PPP2R1B: variants seen among roughly 807,000 people sequenced by gnomAD.
The protein encoded by PPP2R1B is protein phosphatase 2 scaffold subunit Abeta.
Under a neutral mutation model 72.7 loss-of-function variants are expected in PPP2R1B, and 58 were observed. The observed-to-expected ratio is 0.80, with a 90% confidence interval of 0.65 to 0.99. The LOEUF (loss-of-function observed/expected upper bound fraction) is 0.99, where lower values mean the gene tolerates loss of function less well. Among genes scored for constraint, PPP2R1B ranks in the 50% least tolerant of loss-of-function variants. The pLI, the probability that PPP2R1B is intolerant of heterozygous loss-of-function variation, is 0.00. For missense variants in PPP2R1B, 695 were observed against 733.6 expected (o/e 0.95, Z 0.61); for synonymous variants, 256 against 264.6 (o/e 0.97, Z 0.32).
the PPP2R1B span, among the ~76,000 whole-genome samples, chr11:111,707,797 A>G: frequency 6.6e-6 from 1 of 152,232 alleles, no homozygotes; most frequent in Non-Finnish European, 1.5e-5. Flanking sequence ...TGATCCAGTC[A>G]ATACAAAGAT....
the PPP2R1B span, among the ~76,000 whole-genome samples, chr11:111,706,660 A>G: frequency 1.3e-5 from 2 of 152,166 alleles, no homozygotes; most frequent in Non-Finnish European, 2.9e-5. Flanking sequence ...TACGTACTTT[A>G]TATATAAAAT....
Position 111,727,030 on chromosome 11 carries a change from T to TTTA in PPP2R1B, c.1938_1939insTAA (p.Asp646_Thr647insTer). 6.2e-7 allele frequency: 1 copy of TTTA among 1,614,162 alleles called. No individual in the cohort carries two copies. The highest frequency in any genetic ancestry group is 8.5e-7 in the Non-Finnish European group (1 of 1,180,012). On this transcript the variant is annotated stop_gained and inframe_insertion, in exon 16 of 16. Transcript: ENST00000311129. LOFTEE classifies it high-confidence loss of function. The stretch of plus-strand genomic sequence containing the variant: ...CCCAGCTGGGCAAGTGTGTCTCTAG[T>TTTA]ATCTCCACGCAACTGATACACTGGT...
chr11:111,735,109 T>A (rs1303631686), downstream of PPP2R1B, among the ~76,000 whole-genome samples: 1 of 151,896 alleles, frequency 6.6e-6, no homozygotes, highest in Non-Finnish European at 1.5e-5. Context: ...AGAAGGGGCA[T>A]GGAAGGCAGA....
chr11:111,719,787 C>A, the PPP2R1B span: 1 of 1,613,336 alleles, frequency 6.2e-7, no homozygotes, highest in East Asian at 2.2e-5. Context: ...CAATGGCTGT[C>A]TGCTTGACCC....
intron 7 of PPP2R1B, 125 bp from the exon 8 acceptor site, chr11:111,754,694 A>G (rs1387641256): frequency 7.0e-7 from 1 of 1,432,872 alleles, no homozygotes; most frequent in Non-Finnish European, 9.2e-7. Flanking sequence ...TAAGGAAAAC[A>G]GCTCTTGTTC....
chr11:111,727,110 AT>A lies in PPP2R1B; in HGVS notation c.1912-54del. 3 of 1,505,776 alleles carry A rather than the reference AT, an allele frequency of 2.0e-6. No homozygotes were observed. The East Asian group carries it at 6.8e-5, about 34-fold the overall frequency. 93.3% of individuals were successfully genotyped at this position (1,505,776 alleles called of 1,614,324 possible). A position where few individuals can be genotyped will look rare whatever the true frequency, so the allele number is the denominator to read the frequency against. On this transcript the variant is annotated intron_variant, in intron 15 of 15. Coordinates refer to the PPP2R1B transcript ENST00000311129. ...ACAGGAAGAGGGGGCCCACTTTCAC[AT>A]TCCCGGTGACACTGACCGTCCCCAG... is the stretch of plus-strand genomic sequence containing the variant.
chr11:111,753,374 A>C (rs1262601009), intron 9 of PPP2R1B, 69 bp downstream of exon 9: 12 of 1,542,608 alleles, frequency 7.8e-6, no homozygotes, highest in Non-Finnish European at 1.8e-6. Flanking sequence ...TATTTTAATG[A>C]AACCCTAAAC....
At chr11:111,720,446 G>A in the PPP2R1B span, 4 of 1,559,202 alleles carry the variant, frequency 2.6e-6, no homozygotes, top group South Asian at 1.2e-5. Flanking sequence ...TGCTATTGCT[G>A]TTGGTTTTAT....
the PPP2R1B span, among the ~76,000 whole-genome samples, chr11:111,694,118 G>C: frequency 6.6e-6 from 1 of 152,106 alleles, no homozygotes; most frequent in African/African-American, 2.4e-5. Context: ...AAAGCTCCTG[G>C]CACCATGTAA....
the PPP2R1B span, among the ~76,000 whole-genome samples, chr11:111,715,007 C>G: frequency 6.6e-6 from 1 of 152,232 alleles, no homozygotes; most frequent in Non-Finnish European, 1.5e-5. Flanking sequence ...TGGGCACTGA[C>G]TGCTGTATTA....
intron 3 of PPP2R1B, 98 bp from the exon 4 acceptor site, chr11:111,761,149 C>T (rs782030990): frequency 3.2e-5 from 33 of 1,018,676 alleles, no homozygotes; most frequent in African/African-American, 6.3e-5. Flanking sequence ...AGGTGGTACA[C>T]GTAACCAGAA....
the PPP2R1B span, among the ~76,000 whole-genome samples, chr11:111,691,631 C>T: frequency 6.6e-6 from 1 of 152,154 alleles, no homozygotes. Flanking sequence ...TATGGTTGTA[C>T]ATTTAGTGTC....
In PPP2R1B at chr11:111,760,840, G is replaced by A. The variant is rs782038141; in HGVS notation, c.518C>T (p.Ala173Val). Residue 173 changes from alanine (A) to valine (V), a missense_variant, in exon 4 of 15, where the codon GCT becomes GTT. Physicochemically the swap from Ala to Val is moderately conservative, Grantham distance 64. Transcript: ENST00000527614. ...FSVCYPRASNAVKAEIRQQFR... is the reference protein window; with the variant it reads ...FSVCYPRASNVVKAEIRQQFR... ...TTACTGTCTGATTTCTGCTTTAACA[G>A]CATTTGATGCCCTGGGATAGCAAAC... 5.6e-6 allele frequency: 9 copies of A among 1,613,950 alleles called. No individual in the cohort carries two copies. The East Asian group carries it at 1.3e-4, about 24-fold the overall frequency.
chr11:111,703,226 A>T, the PPP2R1B span: 1 of 1,614,150 alleles, frequency 6.2e-7, no homozygotes, highest in Non-Finnish European at 8.5e-7. Flanking sequence ...TATCCGAAGG[A>T]TGTTGGTCCT....
chr11:111,759,389 C>G (rs1945241600), intron 5 of PPP2R1B, among the ~76,000 whole-genome samples: 1 of 152,194 alleles, frequency 6.6e-6, no homozygotes, highest in Admixed American at 6.5e-5. Context: ...ATCCCATACA[C>G]TACTATAGAA....
chr11:111,732,854 C>T (rs1944236068), intron 15 of PPP2R1B, among the ~76,000 whole-genome samples: 1 of 152,154 alleles, frequency 6.6e-6, no homozygotes, highest in South Asian at 2.1e-4. Context: ...ATCCTGGGTG[C>T]TATGTGGCTA....
At chr11:111,706,418 G>C in the PPP2R1B span, among the ~76,000 whole-genome samples, 1 of 152,080 alleles carries the variant, frequency 6.6e-6, no homozygotes, top group Non-Finnish European at 1.5e-5. Context: ...ATCATCCAGA[G>C]GTTGAGATGA....
the PPP2R1B span, among the ~76,000 whole-genome samples, chr11:111,713,374 T>C: frequency 6.6e-5 from 10 of 152,268 alleles, no homozygotes; most frequent in Non-Finnish European, 1.0e-4. Context: ...GTGTTCAAAA[T>C]AGACCTCCTC....
chr11:111,701,620 G>A, the PPP2R1B span: 14 of 1,591,008 alleles, frequency 8.8e-6, no homozygotes, highest in South Asian at 1.5e-4. The surrounding 1 kb of genome is among the most constrained non-coding windows in gnomAD (Gnocchi z 4.2). Flanking sequence ...CAGTGTTAGT[G>A]CTCCAAGTGA....
Sources: gnomAD v4.1 joint callset for allele counts (sites outside exome capture counted in the v4.1 genomes callset) on GRCh38, gnomAD v4.1.1 for gene constraint, Gnocchi (gnomAD v3.1) non-coding constraint, MANE v1.5 for transcripts, NCBI Gene and HGNC (gene_info 2026-07-23, HGNC 2026-07-21) for gene names.